C2CD3: variants seen among roughly 807,000 people sequenced by gnomAD.
The protein encoded by C2CD3 is C2 domain containing 3 centriole elongation regulator, also known as C2 domain-containing protein 3.
C2CD3 carries 148 observed loss-of-function variants against 234.0 expected under a neutral mutation model. That is an observed-to-expected ratio of 0.63 (90% CI 0.55 to 0.72). The LOEUF (loss-of-function observed/expected upper bound fraction) is 0.72. Ranked by LOEUF, C2CD3 falls within the 30% of genes least tolerant of loss-of-function variation. C2CD3 has a pLI of 0.00. For synonymous variants in C2CD3, 1,000 were observed against 1,035.4 expected (o/e 0.97, Z 0.66); for missense variants, 2,577 against 2,811.5 (o/e 0.92, Z 1.89).
At chr11:74,131,274 G>A (rs953721131) in intron 7 of C2CD3, among the ~76,000 whole-genome samples, 10 of 148,810 alleles carry the variant, frequency 6.7e-5, no homozygotes, top group Non-Finnish European at 1.2e-4. Flanking sequence ...AGTAAGCCGA[G>A]ATCAAGCCAT....
At chr11:74,028,236 T>C in intron 32 of C2CD3, 51 bp downstream of exon 32, 1 of 1,304,304 alleles carries the variant, frequency 7.7e-7, no homozygotes, top group Non-Finnish European at 1.1e-6. Flanking sequence ...CACACTTCTG[T>C]GGAAGAGATG....
chr11:74,055,798 A>G (rs947644219), intron 25 of C2CD3, among the ~76,000 whole-genome samples: 1 of 152,180 alleles, frequency 6.6e-6, no homozygotes, highest in Admixed American at 6.5e-5. Context: ...TTTTCTTCCA[A>G]TCCTGCCTCT....
At chr11:74,149,344 C>T (rs1214655722) in intron 3 of C2CD3, among the ~76,000 whole-genome samples, 2 of 146,072 alleles carry the variant, frequency 1.4e-5, no homozygotes, top group Non-Finnish European at 3.0e-5. Context: ...GTCTTGTTTT[C>T]TCATTTGCTT....
intron 16 of C2CD3, among the ~76,000 whole-genome samples, chr11:74,095,999 T>A (rs901991000): frequency 6.6e-6 from 1 of 152,202 alleles, no homozygotes; most frequent in Non-Finnish European, 1.5e-5. Context: ...CAGTTGGGTA[T>A]AACACCAGGA....
Position 74,106,435 on chromosome 11 carries a change from A to C in C2CD3, c.2021T>G (p.Leu674Arg). ...CACTGGAAGCTGATCACTGAAAGAA[A>C]GCAGCTCTGATTGAATGACAGCTCG... Reference protein sequence around the residue: ...SLRAVIQSELLSFSDQLPVQQ... With the variant: ...SLRAVIQSELRSFSDQLPVQQ... The change falls in exon 13 of 33, where the codon CTT (leucine) becomes CGT (arginine). Residue 674 changes from leucine (L) to arginine (R), a missense_variant. Physicochemically the swap from Leu to Arg is moderately radical, Grantham distance 102. Transcript: ENST00000334126. 1 of 1,614,124 alleles carries C rather than the reference A, an allele frequency of 6.2e-7. No homozygotes were observed. Among genetic ancestry groups the C allele is most frequent in the Non-Finnish European group, 8.5e-7 (1 of 1,179,946 alleles).
At chr11:74,077,281 A>G (rs959929970) in intron 23 of C2CD3, among the ~76,000 whole-genome samples, 4 of 152,038 alleles carry the variant, frequency 2.6e-5, no homozygotes, top group South Asian at 2.1e-4. Flanking sequence ...TCATTATTTC[A>G]TAAGTGTTAA....
At chr11:74,036,128 G>A (rs1952733620) in intron 30 of C2CD3, 4 of 227,448 alleles carry the variant, frequency 1.8e-5, no homozygotes. Context: ...CCAAAGTGCT[G>A]GGATTACAGG....
In C2CD3 at chr11:74,100,554, A is replaced by G. The variant is rs1956275448; in HGVS notation, c.2703T>C (p.Leu901=). The part of the protein sequence containing the change: ...GQDKLLGLVK[L]PLHQFYMSFK... Reference sequence around the variant, plus strand: ...ATGACATGTAAAACTGGTGGAGGGGAAGTTTCACCAGCCCGAGCAGCTTGT... The same window carrying G: ...ATGACATGTAAAACTGGTGGAGGGGGAGTTTCACCAGCCCGAGCAGCTTGT... The change falls in exon 15 of 33, where the codon CTT becomes CTC. Residue 901 remains leucine, a synonymous_variant. Transcript: ENST00000334126. 1 of 1,612,394 alleles carries G rather than the reference A, an allele frequency of 6.2e-7. No individual in the cohort carries two copies. Among genetic ancestry groups the G allele is most frequent in the Non-Finnish European group, 8.5e-7 (1 of 1,179,538 alleles).
In C2CD3 at chr11:74,034,030, T is replaced by G. The variant is rs1420679665; in HGVS notation, c.6130A>C (p.Ile2044Leu). 1.3e-6 allele frequency: 2 copies of G among 1,536,508 alleles called. No homozygotes were observed. Among genetic ancestry groups the G allele is most frequent in the East Asian group, 2.4e-5 (1 of 40,920 alleles). Residue 2044 changes from isoleucine to leucine, a missense_variant, in exon 31 of 33, where the codon ATT becomes CTT. Ile to Leu is a conservative substitution (Grantham distance 5). Coordinates refer to ENST00000334126, the MANE Select transcript of C2CD3 (RefSeq NM_001286577.2). ...LHESLRHAVP[I>L]TRMQSSEDTE... ...TCTTCACTGCTCTGCATCCTTGTAA[T>G]GGGTACTGCATGCCTCAGGGACTCA...
chr11:74,151,203 C>T (rs1283413327), intron 3 of C2CD3, among the ~76,000 whole-genome samples: 2 of 152,174 alleles, frequency 1.3e-5, no homozygotes, highest in African/African-American at 4.8e-5. Context: ...GGATTACAGG[C>T]GTCAGCCACA....
At chr11:74,061,750 C>T (rs1488858075) in intron 24 of C2CD3, among the ~76,000 whole-genome samples, 1 of 152,288 alleles carries the variant, frequency 6.6e-6, no homozygotes, top group East Asian at 1.9e-4. Flanking sequence ...ATCATAATGA[C>T]AGGATCAAAT....
At chr11:74,164,994 C>T (rs2135574388) in intron 2 of C2CD3, 1 of 152,198 alleles carries the variant, frequency 6.6e-6, no homozygotes, top group East Asian at 1.9e-4. Flanking sequence ...TTGCTTGAAC[C>T]CAGGAGGTTG....
Position 74,042,221 on chromosome 11 carries a change from GT to G in C2CD3, c.5496-4del. 5.7e-6 allele frequency: 8 copies of G among 1,409,504 alleles called. No individual in the cohort carries two copies. Among genetic ancestry groups the G allele is most frequent in the Admixed American group, 2.4e-5 (1 of 42,064 alleles). 87.3% of individuals were successfully genotyped at this position (1,409,504 alleles called of 1,614,324 possible). On this transcript the variant is annotated splice_polypyrimidine_tract_variant and splice_region_variant and intron_variant, in intron 28 of 32. Coordinates refer to ENST00000334126, the MANE Select transcript of C2CD3 (RefSeq NM_001286577.2). ...CTTGGCTTCTTGTGGTATCACTTCT[GT>G]CAAAAAAAAAAAAAAAAAAAGTAGG...
intron 5 of C2CD3, 141 bp downstream of exon 5, chr11:74,138,579 A>G (rs2135543389): frequency 6.0e-6 from 4 of 668,506 alleles, no homozygotes; most frequent in Non-Finnish European, 1.1e-5. Context: ...ATGGTGTGAG[A>G]TGCTGGACTC....
chr11:74,031,536 GCTCCCTC>G (rs1230599085), intron 31 of C2CD3, among the ~76,000 whole-genome samples: 1 of 152,188 alleles, frequency 6.6e-6, no homozygotes, highest in Non-Finnish European at 1.5e-5. Context: ...AGTTAGGGCA[GCTCCCTC>G]CTCATGGTCC....
chr11:74,036,844 G>C (rs1389094431), intron 30 of C2CD3, among the ~76,000 whole-genome samples: 1 of 152,214 alleles, frequency 6.6e-6, no homozygotes, highest in Non-Finnish European at 1.5e-5. Flanking sequence ...TACCTGGGGA[G>C]TTAGAAACAA....
chr11:74,048,371 T>C, intron 27 of C2CD3, 33 bp from the exon 28 acceptor site: 1 of 1,610,636 alleles, frequency 6.2e-7, no homozygotes, highest in Non-Finnish European at 8.5e-7. Context: ...GGTACACTTG[T>C]CACCATAAAC....
At chr11:74,151,520 T>G (rs904710987) in intron 3 of C2CD3, among the ~76,000 whole-genome samples, 3 of 151,220 alleles carry the variant, frequency 2.0e-5, no homozygotes, top group Non-Finnish European at 2.9e-5. Flanking sequence ...AGAGATGGAG[T>G]TTTGCCATGT....
chr11:74,044,747 CTTT>C (rs1953273015), intron 28 of C2CD3, among the ~76,000 whole-genome samples: 1 of 151,938 alleles, frequency 6.6e-6, no homozygotes, highest in South Asian at 2.1e-4. Context: ...CTTTTGTTGA[CTTT>C]TTTATGTCTA....
Sources: allele counts gnomAD v4.1 joint callset (sites outside exome capture counted in the v4.1 genomes callset), GRCh38; gene constraint gnomAD v4.1.1; transcripts MANE v1.5; gene names NCBI Gene and HGNC (gene_info 2026-07-23, HGNC 2026-07-21).